GALNT18: variants seen among roughly 807,000 people sequenced by gnomAD.
GALNT18 encodes polypeptide N-acetylgalactosaminyltransferase 18.
Under a neutral mutation model 69.5 loss-of-function variants are expected in GALNT18, and 44 were observed. The observed-to-expected ratio is 0.63, with a 90% CI of 0.50 to 0.81. The LOEUF is 0.81. Ranked by LOEUF, GALNT18 falls within the 40% of genes least tolerant of loss-of-function variation. The probability of loss-of-function intolerance (pLI) is 0.00; values close to 1 mark genes in which losing one functional copy is unlikely to be tolerated. For synonymous variants in GALNT18, 364 were observed against 318.2 expected (o/e 1.14, Z -1.53); for missense variants, 715 against 810.0 (o/e 0.88, Z 1.42).
Position 11,435,788 on chromosome 11 carries a change from G to A in GALNT18, c.429-3001C>T, listed in dbSNP as rs951141618. Among the ~76,000 whole-genome samples the A allele has an allele frequency of 1.4e-4, 22 of 152,084 alleles. No individual in the cohort carries two copies. Among genetic ancestry groups the A allele is most frequent in the African/African-American group, 4.6e-4 (19 of 41,412 alleles). ...TCCCTTGGAAGGAGAGTCAGGTCCC[G>A]GTCCTCCCGCCGACCAGCAGGCTCC... On this transcript the variant is annotated intron_variant, in intron 2 of 10. Coordinates refer to ENST00000227756, the MANE Select transcript of GALNT18 (RefSeq NM_198516.3). The surrounding 1 kb of genome is among the most constrained non-coding windows in gnomAD (Gnocchi z 4.4).
intron 9 of GALNT18, among the ~76,000 whole-genome samples, chr11:11,317,134 T>C (rs1353123919): frequency 6.6e-6 from 1 of 152,188 alleles, no homozygotes; most frequent in Non-Finnish European, 1.5e-5. Context: ...GTTATGTTTA[T>C]GCATTAATCA....
Position 11,546,833 on chromosome 11 carries a change from T to TG in GALNT18, c.235+74525dup, listed in dbSNP as rs762431290. Among the ~76,000 whole-genome samples the TG allele has an allele frequency of 1.3e-5, 2 of 150,966 alleles. No individual in the cohort carries two copies. Among genetic ancestry groups the TG allele is most frequent in the East Asian group, 3.9e-4 (2 of 5,088 alleles). On this transcript the variant is annotated intron_variant, in intron 1 of 10. Coordinates refer to ENST00000227756, the MANE Select transcript of GALNT18 (RefSeq NM_198516.3). This position sits in a 1 kb window ranked among gnomAD's most constrained non-coding sequence, Gnocchi z 5.8. ...ATCAATTTTCGGTCAGATGGATGGA[T>TG]GGGTGGGTTGGGTGTGTGGGTGGGC...
chr11:11,343,915 G>T lies in GALNT18; in HGVS notation c.1093-2911C>A, dbSNP rs141315557. On this transcript the variant is annotated intron_variant, in intron 6 of 10. Transcript: ENST00000227756. ...TTAGACACGGTACAAGGAGCGGCAT[G>T]ACTGTCCAGCACCTGAATTCACTCC... Among the ~76,000 whole-genome samples, 318 of 152,264 alleles carry T rather than the reference G, an allele frequency of 2.1e-3. 2 individuals are homozygous for T. Among genetic ancestry groups the T allele is most frequent in the African/African-American group, 7.0e-3 (290 of 41,562 alleles).
chr11:11,384,806 A>G (rs890284355), intron 3 of GALNT18, among the ~76,000 whole-genome samples: 1 of 152,222 alleles, frequency 6.6e-6, no homozygotes, highest in Non-Finnish European at 1.5e-5. Flanking sequence ...TAAGCCACTC[A>G]GTCCATGGGA....
At chr11:11,427,678 A>G (rs1855164758) in intron 3 of GALNT18, among the ~76,000 whole-genome samples, 1 of 152,198 alleles carries the variant, frequency 6.6e-6, no homozygotes, top group Non-Finnish European at 1.5e-5. Context: ...TGGAATGGAA[A>G]AGCTGGCCGA....
At chr11:11,418,459 C>T (rs1854917526) in intron 3 of GALNT18, among the ~76,000 whole-genome samples, 1 of 152,170 alleles carries the variant, frequency 6.6e-6, no homozygotes, top group Non-Finnish European at 1.5e-5. Context: ...CTTTTTCCAT[C>T]ATCATCTCCA....
rs536657475 is a variant in GALNT18 at position 11,511,791 on chromosome 11, A to G, written c.236-62855T>C. On this transcript the variant is annotated intron_variant, in intron 1 of 10. Coordinates refer to ENST00000227756, the MANE Select transcript of GALNT18 (RefSeq NM_198516.3). This position sits in a 1 kb window ranked among gnomAD's most constrained non-coding sequence, Gnocchi z 4.9. ...TTTGCCATGTGAGGATACAATGAGA[A>G]GTTGGCAGTAAACAACCCAGAAGAG... is the stretch of plus-strand genomic sequence containing the variant. Among the ~76,000 whole-genome samples, 13 of 152,234 alleles carry G rather than the reference A, an allele frequency of 8.5e-5. No individual in the cohort carries two copies. Among genetic ancestry groups the G allele is most frequent in the African/African-American group, 3.1e-4 (13 of 41,540 alleles).
intron 3 of GALNT18, among the ~76,000 whole-genome samples, chr11:11,384,144 G>A (rs932996809): frequency 6.6e-6 from 1 of 151,934 alleles, no homozygotes; most frequent in Non-Finnish European, 1.5e-5. Context: ...AGTCTGCAAT[G>A]GACTGAGTGT....
At chr11:11,305,766 G>C (rs1049537722) in intron 9 of GALNT18, among the ~76,000 whole-genome samples, 5 of 152,158 alleles carry the variant, frequency 3.3e-5, no homozygotes, top group African/African-American at 9.7e-5. Context: ...TAGATCCCAA[G>C]TTCCCTGAGG....
At chr11:11,579,858 A>G (rs1859031295) in intron 1 of GALNT18, among the ~76,000 whole-genome samples, 1 of 152,154 alleles carries the variant, frequency 6.6e-6, no homozygotes, top group African/African-American at 2.4e-5. Context: ...AGGGGTTGTG[A>G]AGAATGTGGC....
rs1848823890 is a variant in GALNT18 at position 11,271,384 on chromosome 11, T to A, written c.1678-94A>T. 3.0e-6 allele frequency: 4 copies of A among 1,331,440 alleles called. No individual in the cohort carries two copies. In the East Asian group the frequency reaches 9.3e-5, roughly 31 times the overall value. 82.5% of individuals were successfully genotyped at this position (1,331,440 alleles called of 1,614,324 possible). On this transcript the variant is annotated intron_variant, in intron 10 of 10. Coordinates refer to ENST00000227756, the MANE Select transcript of GALNT18 (RefSeq NM_198516.3). ...GCCAAGTGGCTGGTGAGGGCTGACA[T>A]TATCTGTGTGGCCAGATCCCAGGAG...
chr11:11,368,637 C>G (rs1409245201), intron 6 of GALNT18, among the ~76,000 whole-genome samples: 1 of 152,152 alleles, frequency 6.6e-6, no homozygotes, highest in Non-Finnish European at 1.5e-5. Flanking sequence ...TTCTGCCCAT[C>G]TGTTGAGCTT....
intron 9 of GALNT18, among the ~76,000 whole-genome samples, chr11:11,319,620 T>TAGA (rs1446872788): frequency 6.6e-6 from 1 of 152,210 alleles, no homozygotes; most frequent in Non-Finnish European, 1.5e-5. Context: ...AGGAATTTCT[T>TAGA]AGCTTAAGAG....
At chr11:11,393,050 C>G (rs1854232198) in intron 3 of GALNT18, among the ~76,000 whole-genome samples, 1 of 152,156 alleles carries the variant, frequency 6.6e-6, no homozygotes, top group Non-Finnish European at 1.5e-5. Flanking sequence ...TGTGGGAAGG[C>G]AGGGCAGGGC....
Position 11,402,763 on chromosome 11 carries a change from G to A in GALNT18, c.596-23499C>T, listed in dbSNP as rs189965125. 6.6e-6 allele frequency among the ~76,000 whole-genome samples: 1 copy of A among 152,354 alleles called. No homozygotes were observed. The highest frequency in any genetic ancestry group is 1.5e-5 in the Non-Finnish European group (1 of 68,036). ...GCACCTGCCTTGCAGCTGCGGGTAA[G>A]AACAGCGTCTGCAGGAGGGAAATAG... On this transcript the variant is annotated intron_variant, in intron 3 of 10. Transcript: ENST00000227756. The surrounding 1 kb of genome is among the most constrained non-coding windows in gnomAD (Gnocchi z 4.0).
At chr11:11,343,498 G>T (rs1289486426) in intron 6 of GALNT18, among the ~76,000 whole-genome samples, 1 of 152,198 alleles carries the variant, frequency 6.6e-6, no homozygotes, top group Non-Finnish European at 1.5e-5. Context: ...ATCAAGCTTT[G>T]AAAGGAGTTC....
At chr11:11,399,031 C>G (rs1046888241) in intron 3 of GALNT18, among the ~76,000 whole-genome samples, 1 of 152,114 alleles carries the variant, frequency 6.6e-6, no homozygotes, top group East Asian at 1.9e-4. Context: ...ACATGCTTCC[C>G]CAAAATTCAT....
chr11:11,541,138 A>G lies in GALNT18; in HGVS notation c.235+80221T>C, dbSNP rs1228335766. ...CCACTGGCTGAGATTAATGGGGATG[A>G]CACTGTGGCTGCTGATGTTTCTCAC... On this transcript the variant is annotated intron_variant, in intron 1 of 10. Transcript: ENST00000227756. This position sits in a 1 kb window ranked among gnomAD's most constrained non-coding sequence, Gnocchi z 4.8. 1.3e-5 allele frequency among the ~76,000 whole-genome samples: 2 copies of G among 152,204 alleles called. No homozygotes were observed. The highest frequency in any genetic ancestry group is 4.8e-5 in the African/African-American group (2 of 41,454).
chr11:11,357,770 A>T lies in GALNT18; in HGVS notation c.1092+14745T>A, dbSNP rs536325192. Among the ~76,000 whole-genome samples, 7 of 152,332 alleles carry T rather than the reference A, an allele frequency of 4.6e-5. 1 individual carries two copies. The South Asian group carries it at 1.0e-3, about 23-fold the overall frequency. On this transcript the variant is annotated intron_variant, in intron 6 of 10. Coordinates refer to ENST00000227756, the MANE Select transcript of GALNT18 (RefSeq NM_198516.3). Reference sequence around the variant, plus strand: ...TTGGGAGGGGTAAATGACATACAGCATAAAACTCACTAGAATATAAGTTCT... The same window carrying T: ...TTGGGAGGGGTAAATGACATACAGCTTAAAACTCACTAGAATATAAGTTCT...
Sources: gnomAD v4.1 joint callset for allele counts (sites outside exome capture counted in the v4.1 genomes callset) on GRCh38, gnomAD v4.1.1 for gene constraint, Gnocchi (gnomAD v3.1) non-coding constraint, MANE v1.5 for transcripts, NCBI Gene and HGNC (gene_info 2026-07-23, HGNC 2026-07-21) for gene names.